The following RPS6KC1 variants were observed in gnomAD, a reference collection of about 807,000 sequenced individuals.
The protein encoded by RPS6KC1 is inactive ribosomal protein S6 kinase delta-1.
A neutral mutation model predicts 103.8 loss-of-function variants in RPS6KC1; 54 were observed. The observed-to-expected ratio is 0.52, with a 90% CI of 0.42 to 0.65. RPS6KC1 has a LOEUF of 0.65. RPS6KC1 is among the 30% of genes least tolerant of loss of function. The pLI, the probability that RPS6KC1 is intolerant of heterozygous loss-of-function variation, is 0.00. For synonymous variants in RPS6KC1, 439 were observed against 438.7 expected (o/e 1.00, Z -0.01); for missense variants, 1,151 against 1,253.8 (o/e 0.92, Z 1.24).
chr1:213,686,174 T>C, the RPS6KC1 span, among the ~76,000 whole-genome samples: 3 of 152,206 alleles, frequency 2.0e-5, no homozygotes, highest in Non-Finnish European at 2.9e-5. Flanking sequence ...AGAAATAAGA[T>C]CAGCTTGGGA....
chr1:213,338,801 C>T, the RPS6KC1 span, among the ~76,000 whole-genome samples: 1 of 146,026 alleles, frequency 6.8e-6, no homozygotes, highest in Non-Finnish European at 1.5e-5. Flanking sequence ...GACAAGGTGT[C>T]ACTATGTTGC....
At position 213,241,376 on chromosome 1, in the gene RPS6KC1, A is replaced by G. The variant is rs2148942140; in HGVS notation, c.1900A>G (p.Thr634Ala). ...ATCAGAACCTTTGAAACCATTCTTT[A>G]CTCTTCCAGATGGAGACAGTGCTTC... Reference protein sequence around the residue: ...LKSEPLKPFFTLPDGDSASRS... With the variant: ...LKSEPLKPFFALPDGDSASRS... Residue 634 changes from threonine to alanine, a missense_variant, in exon 11 of 15, where the codon ACT becomes GCT. Thr to Ala is a moderately conservative substitution (Grantham distance 58). Around this residue, in one of 3 missense-constraint regions of RPS6KC1, gnomAD observed 959 missense variants for 1,006.3 expected, o/e 0.95. Coordinates refer to ENST00000366960, the MANE Select transcript of RPS6KC1 (RefSeq NM_012424.6). The G allele has an allele frequency of 1.2e-6, 2 of 1,613,798 alleles. No homozygotes were observed. Among genetic ancestry groups the G allele is most frequent in the Non-Finnish European group, 1.7e-6 (2 of 1,179,896 alleles).
the RPS6KC1 span, among the ~76,000 whole-genome samples, chr1:213,439,866 GGA>G: frequency 2.7e-5 from 4 of 148,738 alleles, no homozygotes; most frequent in Admixed American, 6.7e-5. Flanking sequence ...AGAGAGAGAA[GGA>G]GAGAGAGAGA....
At position 213,051,276 on chromosome 1, in the gene RPS6KC1, CG is replaced by C. The variant is rs1388479435; in HGVS notation, c.-128del. On this transcript the variant is annotated 5_prime_UTR_variant, in exon 1 of 15. Coordinates refer to ENST00000366960, the MANE Select transcript of RPS6KC1 (RefSeq NM_012424.6). ...CAGAGCTGTGCAGCTGAGGCGCCGC[CG>C]TGGAGCCGCCTTGGAGCCACCGCCC... The C allele has an allele frequency of 1.5e-6, 1 of 648,796 alleles. No individual in the cohort carries two copies. Among genetic ancestry groups the C allele is most frequent in the Non-Finnish European group, 2.7e-6 (1 of 371,468 alleles). 40.2% of individuals were successfully genotyped at this position (648,796 alleles called of 1,614,324 possible).
In RPS6KC1 at chr1:213,092,747, G is replaced by A. The variant is rs17020159; in HGVS notation, c.263-11707G>A. ...TTTTTAAGCTAAACAAAACAAACGCGTATAATGATGTTTAGTAAGATCCTG... is the reference window on the plus strand; with the variant it reads ...TTTTTAAGCTAAACAAAACAAACGCATATAATGATGTTTAGTAAGATCCTG... On this transcript the variant is annotated intron_variant, in intron 3 of 14. Transcript: ENST00000366960. Among the ~76,000 whole-genome samples the A allele has an allele frequency of 4.2e-3, 632 of 150,994 alleles. 1 individual carries two copies. The highest frequency in any genetic ancestry group is 0.015 in the African/African-American group (596 of 40,526).
intron 6 of RPS6KC1, among the ~76,000 whole-genome samples, chr1:213,163,944 T>C (rs903160261): frequency 3.9e-5 from 6 of 152,244 alleles, no homozygotes; most frequent in Admixed American, 6.5e-5. Flanking sequence ...TACTCACCTG[T>C]ACTTCTCCTG....
chr1:213,576,055 C>A, the RPS6KC1 span, among the ~76,000 whole-genome samples: 1 of 152,014 alleles, frequency 6.6e-6, no homozygotes, highest in Non-Finnish European at 1.5e-5. Context: ...TTAGGTGGGA[C>A]CTTGCTGAAG....
chr1:213,768,805 A>C, the RPS6KC1 span, among the ~76,000 whole-genome samples: 1 of 152,244 alleles, frequency 6.6e-6, no homozygotes, highest in East Asian at 1.9e-4. Flanking sequence ...TTTTGAAGAG[A>C]GCCATTAAGT....
chr1:213,216,021 C>G (rs554801298), intron 8 of RPS6KC1, among the ~76,000 whole-genome samples: 2 of 152,184 alleles, frequency 1.3e-5, no homozygotes, highest in African/African-American at 4.8e-5. Context: ...CAAATTCACA[C>G]ATGACAATAT....
chr1:213,428,065 T>C, the RPS6KC1 span, among the ~76,000 whole-genome samples: 1 of 152,216 alleles, frequency 6.6e-6, no homozygotes, highest in East Asian at 1.9e-4. Context: ...AGCCTCTGCA[T>C]GGCCTTGAGG....
the RPS6KC1 span, among the ~76,000 whole-genome samples, chr1:213,855,230 A>T: frequency 6.6e-6 from 1 of 152,260 alleles, no homozygotes; most frequent in East Asian, 1.9e-4. Context: ...AAACAAAGTC[A>T]AATGGACACA....
At chr1:213,622,060 C>G in the RPS6KC1 span, among the ~76,000 whole-genome samples, 1 of 152,114 alleles carries the variant, frequency 6.6e-6, no homozygotes, top group African/African-American at 2.4e-5. Flanking sequence ...TCATCTCCTC[C>G]CCTCAGAAAA....
chr1:213,067,032 A>G (rs931855011), intron 1 of RPS6KC1, among the ~76,000 whole-genome samples: 5 of 152,180 alleles, frequency 3.3e-5, no homozygotes, highest in African/African-American at 9.7e-5. Context: ...TCAAAAGGAT[A>G]CAGCCATTTG....
chr1:213,659,307 C>G, the RPS6KC1 span, among the ~76,000 whole-genome samples: 1 of 152,154 alleles, frequency 6.6e-6, no homozygotes, highest in Non-Finnish European at 1.5e-5. Flanking sequence ...GAGTGAGAAG[C>G]TTGGATCACT....
the RPS6KC1 span, chr1:213,818,464 C>A: frequency 3.9e-5 from 6 of 152,220 alleles, no homozygotes; most frequent in Admixed American, 6.5e-5. Context: ...ATCAAACCAG[C>A]CACAACATTC....
rs1553378413 is a variant in RPS6KC1 at position 213,205,536 on chromosome 1, T to TATATATATATATATATA, written c.1045-24961_1045-24960insATATATATATATATATA. The TATATATATATATATATA allele has an allele frequency of 1.8e-4, 15 of 82,306 alleles. No individual in the cohort carries two copies. In the East Asian group the frequency reaches 2.0e-3, roughly 11 times the overall value. The allele number at this position is 82,306 out of a possible 1,614,324, so 5.1% of individuals were successfully genotyped here. A position where few individuals can be genotyped will look rare whatever the true frequency, so the allele number is the denominator to read the frequency against. ...ATAATGTTAATAACAACAAACTCAT[T>TATATATATATATATATA]TATATATATAGATATATATATATAT... On this transcript the variant is annotated intron_variant, in intron 8 of 14. Coordinates refer to ENST00000366960, the MANE Select transcript of RPS6KC1 (RefSeq NM_012424.6).
intron 7 of RPS6KC1, among the ~76,000 whole-genome samples, chr1:213,170,959 CAG>C (rs1438918587): frequency 1.3e-5 from 2 of 152,184 alleles, no homozygotes; most frequent in Non-Finnish European, 2.9e-5. Context: ...TCTCTGGAAT[CAG>C]TGTGCAAACA....
chr1:213,431,033 G>C, the RPS6KC1 span, among the ~76,000 whole-genome samples: 1 of 152,198 alleles, frequency 6.6e-6, no homozygotes, highest in Non-Finnish European at 1.5e-5. Flanking sequence ...AGTGTGGGAA[G>C]GGGGAGGAGA....
chr1:213,812,269 C>T, the RPS6KC1 span, among the ~76,000 whole-genome samples: 44 of 152,116 alleles, frequency 2.9e-4, no homozygotes, highest in African/African-American at 9.2e-4. Context: ...AGGCTTCATA[C>T]GTTCAAGATT....
Sources: allele counts gnomAD v4.1 joint callset (sites outside exome capture counted in the v4.1 genomes callset), GRCh38; gene constraint gnomAD v4.1.1; regional missense constraint gnomAD v4.1.1; transcripts MANE v1.5; gene names NCBI Gene and HGNC (gene_info 2026-07-23, HGNC 2026-07-21).